PAK2: variants seen among roughly 807,000 people sequenced by gnomAD.
The protein encoded by PAK2 is serine/threonine-protein kinase PAK 2.
In PAK2, 21 loss-of-function variants were observed where a neutral mutation model predicts 65.9. That is an observed-to-expected ratio of 0.32 (90% CI 0.23 to 0.46). The LOEUF (loss-of-function observed/expected upper bound fraction) is 0.46, where lower values mean the gene tolerates loss of function less well. Ranked by LOEUF, PAK2 falls within the 20% of genes least tolerant of loss-of-function variation. The probability of loss-of-function intolerance (pLI) is 1.00; values close to 1 mark genes in which losing one functional copy is unlikely to be tolerated. For synonymous variants in PAK2, 204 were observed against 219.7 expected (o/e 0.93, Z 0.63); for missense variants, 324 against 642.6 (o/e 0.50, Z 5.36).
intron 1 of PAK2, among the ~76,000 whole-genome samples, chr3:196,778,041 T>G (rs773653614): frequency 2.0e-5 from 3 of 152,098 alleles, no homozygotes; most frequent in Non-Finnish European, 2.9e-5. Context: ...GAGCCCCATC[T>G]CATTTCCCTC....
intron 2 of PAK2, among the ~76,000 whole-genome samples, chr3:196,793,956 T>C (rs1715161793): frequency 6.6e-6 from 1 of 151,372 alleles, no homozygotes; most frequent in Admixed American, 6.6e-5. Context: ...CATGGTGAAA[T>C]CCCATCTCTA....
chr3:196,747,269 G>C (rs73072777), intron 1 of PAK2: 2 of 151,706 alleles, frequency 1.3e-5, no homozygotes, highest in Non-Finnish European at 2.9e-5. Flanking sequence ...TTCGATGAGC[G>C]GTAATCGCTC....
rs149815090 is a variant in PAK2, at chr3:196,793,162, G to T, written c.188-8765G>T. ...CTTTACACCCCACACATCCATGTAAGTGTTATCCCCATCCTCCGGAAGGAA... is the reference window on the plus strand; with the variant it reads ...CTTTACACCCCACACATCCATGTAATTGTTATCCCCATCCTCCGGAAGGAA... On this transcript the variant is annotated intron_variant, in intron 2 of 14. Coordinates refer to ENST00000327134, the MANE Select transcript of PAK2 (RefSeq NM_002577.4). Among the ~76,000 whole-genome samples the T allele has an allele frequency of 3.6e-3, 546 of 152,280 alleles. 2 individuals are homozygous for T. Among genetic ancestry groups the T allele is most frequent in the African/African-American group, 0.012 (514 of 41,554 alleles).
chr3:196,814,822 G>GA, intron 11 of PAK2, among the ~76,000 whole-genome samples: 1 of 152,268 alleles, frequency 6.6e-6, no homozygotes, highest in East Asian at 1.9e-4. Context: ...CTGGTAGAGT[G>GA]ATGATGATCA....
chr3:196,766,247 C>T (rs1048978434), intron 1 of PAK2, among the ~76,000 whole-genome samples: 12 of 151,984 alleles, frequency 7.9e-5, no homozygotes, highest in Non-Finnish European at 1.6e-4. Context: ...AGTACCTTCT[C>T]ACAAAGAGTA....
intron 1 of PAK2, among the ~76,000 whole-genome samples, chr3:196,752,330 T>C (rs1450452962): frequency 6.6e-6 from 1 of 152,172 alleles, no homozygotes; most frequent in African/African-American, 2.4e-5. Context: ...AATGTATACA[T>C]CCTGTTTTTA....
intron 1 of PAK2, among the ~76,000 whole-genome samples, chr3:196,780,547 T>G: frequency 6.6e-6 from 1 of 152,142 alleles, no homozygotes; most frequent in East Asian, 1.9e-4. Context: ...TTCATTTACC[T>G]CCCACCAGGT....
chr3:196,828,620 G>C lies in PAK2; in HGVS notation c.*215G>C. On this transcript the variant is annotated 3_prime_UTR_variant, in exon 15 of 15. Coordinates refer to ENST00000327134, the MANE Select transcript of PAK2 (RefSeq NM_002577.4). ...CCTTCTTTAGGGTCCAGAAGGAATT[G>C]TGGACTGAATCACTAGCCTTAGGTC... The C allele has an allele frequency of 2.0e-6, 1 of 505,392 alleles. No homozygotes were observed. The highest frequency in any genetic ancestry group is 3.5e-6 in the Non-Finnish European group (1 of 288,258). The allele number at this position is 505,392 out of a possible 1,614,324, so 31.3% of individuals were successfully genotyped here.
chr3:196,809,980 A>AC (rs1226368075), intron 7 of PAK2, among the ~76,000 whole-genome samples: 1 of 152,028 alleles, frequency 6.6e-6, no homozygotes, highest in African/African-American at 2.4e-5. Flanking sequence ...CCTAAAACAA[A>AC]CATATGATTA....
At chr3:196,756,033 T>C (rs1713757989) in intron 1 of PAK2, among the ~76,000 whole-genome samples, 1 of 152,114 alleles carries the variant, frequency 6.6e-6, no homozygotes, top group Admixed American at 6.6e-5. Context: ...GGATTACAGG[T>C]GTGAGCCACC....
At chr3:196,757,972 A>G (rs1713824286) in intron 1 of PAK2, among the ~76,000 whole-genome samples, 2 of 152,202 alleles carry the variant, frequency 1.3e-5, no homozygotes, top group African/African-American at 4.8e-5. Context: ...CTTAAAAGAG[A>G]TAGAACAGTG....
intron 10 of PAK2, 29 bp downstream of exon 10, chr3:196,812,880 G>T (rs1178936500): frequency 1.0e-6 from 1 of 964,974 alleles, no homozygotes; most frequent in Non-Finnish European, 1.7e-6. Context: ...TAAACACCGG[G>T]AGAAAATGTA....
At chr3:196,819,036 G>C (rs1381777092) in intron 12 of PAK2, among the ~76,000 whole-genome samples, 1 of 152,120 alleles carries the variant, frequency 6.6e-6, no homozygotes, top group Admixed American at 6.6e-5. Context: ...ACCGCAGTAA[G>C]TACAAGGATG....
At chr3:196,794,977 A>G (rs1287511784) in intron 2 of PAK2, among the ~76,000 whole-genome samples, 3 of 152,198 alleles carry the variant, frequency 2.0e-5, no homozygotes, top group African/African-American at 7.2e-5. Context: ...TAAATTACAG[A>G]GACTCTCTAA....
At chr3:196,803,240 A>G (rs1715476545) in intron 4 of PAK2, 76 bp downstream of exon 4, 13 of 1,174,484 alleles carry the variant, frequency 1.1e-5, no homozygotes, top group Non-Finnish European at 1.6e-5. Context: ...CTCCTGGAAA[A>G]ATGAAAAGCT....
intron 10 of PAK2, among the ~76,000 whole-genome samples, chr3:196,813,653 TAG>T (rs1304789475): frequency 6.6e-6 from 1 of 152,008 alleles, no homozygotes; most frequent in Admixed American, 6.6e-5. Context: ...AACATGTTCA[TAG>T]AAATAAACTT....
At chr3:196,803,944 G>A (rs1304512235) in intron 4 of PAK2, among the ~76,000 whole-genome samples, 1 of 152,176 alleles carries the variant, frequency 6.6e-6, no homozygotes, top group Non-Finnish European at 1.5e-5. Flanking sequence ...ATACAACGCA[G>A]TTGGTTGATA....
intron 1 of PAK2, among the ~76,000 whole-genome samples, chr3:196,751,553 A>G (rs1713579773): frequency 6.7e-6 from 1 of 149,706 alleles, no homozygotes; most frequent in Non-Finnish European, 1.5e-5. Flanking sequence ...AGGCTGAGGC[A>G]TGAGAATCTC....
chr3:196,772,121 C>A (rs1714379410), intron 1 of PAK2, among the ~76,000 whole-genome samples: 1 of 152,178 alleles, frequency 6.6e-6, no homozygotes, highest in Non-Finnish European at 1.5e-5. Flanking sequence ...TTGCCATCAC[C>A]ATTTTCAAAA....
Sources: allele counts gnomAD v4.1 joint callset (sites outside exome capture counted in the v4.1 genomes callset), GRCh38; gene constraint gnomAD v4.1.1; transcripts MANE v1.5; gene names NCBI Gene and HGNC (gene_info 2026-07-23, HGNC 2026-07-21).